The following TEC variants were observed in gnomAD, a reference collection of about 807,000 sequenced individuals.
The protein encoded by TEC is tec protein tyrosine kinase, also known as tyrosine-protein kinase Tec.
Under a neutral mutation model 93.0 loss-of-function variants are expected in TEC, and 72 were observed. The observed-to-expected ratio is 0.77, with a 90% CI of 0.64 to 0.94. The LOEUF is 0.94. TEC is among the 40% of genes least tolerant of loss of function. The pLI is 0.00. For synonymous variants in TEC, 249 were observed against 247.7 expected, an observed-to-expected ratio of 1.01 and a Z score of -0.05; for missense variants, 630 against 757.9, an observed-to-expected ratio of 0.83 and a Z score of 1.98.
chr4:48,186,584 G>A (rs1444309467), intron 2 of TEC, among the ~76,000 whole-genome samples: 2 of 147,196 alleles, frequency 1.4e-5, no homozygotes, highest in South Asian at 2.2e-4. Context: ...CCGCCCGGCC[G>A]CCCCGTCTGA....
chr4:48,158,084 TG>T (rs1028475558), intron 8 of TEC, among the ~76,000 whole-genome samples: 35 of 152,332 alleles, frequency 2.3e-4, no homozygotes, highest in African/African-American at 8.4e-4. Flanking sequence ...TCAGCTCCTC[TG>T]GACATTTAAA....
At chr4:48,224,206 A>G (rs1723361517) in intron 2 of TEC, among the ~76,000 whole-genome samples, 1 of 152,206 alleles carries the variant, frequency 6.6e-6, no homozygotes, top group Non-Finnish European at 1.5e-5. Flanking sequence ...GCCAGCTTCC[A>G]TGCTGGGGCA....
chr4:48,200,245 T>A (rs1040749185), intron 2 of TEC, among the ~76,000 whole-genome samples: 8 of 148,336 alleles, frequency 5.4e-5, no homozygotes, highest in African/African-American at 2.0e-4. Flanking sequence ...AAGGAGGTGG[T>A]ACCTTCGAGG....
intron 2 of TEC, among the ~76,000 whole-genome samples, chr4:48,216,949 T>G (rs1723101233): frequency 6.6e-6 from 1 of 152,228 alleles, no homozygotes; most frequent in Non-Finnish European, 1.5e-5. Context: ...ACTCTTAAGT[T>G]GCAGGAGGAC....
intron 2 of TEC, among the ~76,000 whole-genome samples, chr4:48,223,350 T>G (rs1723327890): frequency 6.6e-6 from 1 of 152,164 alleles, no homozygotes; most frequent in Non-Finnish European, 1.5e-5. Context: ...GGTGCTAACT[T>G]TAAGATGTTT....
At chr4:48,176,836 A>G (rs1721350793) in intron 2 of TEC, among the ~76,000 whole-genome samples, 1 of 152,190 alleles carries the variant, frequency 6.6e-6, no homozygotes, top group Admixed American at 6.5e-5. Context: ...CCAAAAAGAA[A>G]GCGTCAAAGA....
chr4:48,247,073 T>G (rs2109663910), intron 1 of TEC, among the ~76,000 whole-genome samples: 1 of 152,242 alleles, frequency 6.6e-6, no homozygotes, highest in East Asian at 1.9e-4. Flanking sequence ...AGTGTTAAAA[T>G]GGGTGAAGGA....
intron 2 of TEC, among the ~76,000 whole-genome samples, chr4:48,215,207 T>G (rs1366969580): frequency 1.3e-5 from 2 of 151,716 alleles, no homozygotes; most frequent in African/African-American, 2.4e-5. Flanking sequence ...ACTCAACACT[T>G]TTTTATAAAA....
At chr4:48,192,051 T>C (rs1722111802) in intron 2 of TEC, among the ~76,000 whole-genome samples, 1 of 152,096 alleles carries the variant, frequency 6.6e-6, no homozygotes, top group African/African-American at 2.4e-5. Flanking sequence ...ACACAAAGAC[T>C]AACACAAAAA....
Position 48,182,239 on chromosome 4 carries a change from C to T in TEC, c.139-6053G>A, listed in dbSNP as rs1274548430. On this transcript the variant is annotated intron_variant, in intron 2 of 17. Transcript: ENST00000381501. ...GGTGGAGGTTGCAGTGAGCCAAGAT[C>T]GCACCACTGCCCTCCAGCCTAGGTG... Among the ~76,000 whole-genome samples, 2 of 150,614 alleles carry T rather than the reference C, an allele frequency of 1.3e-5. 1 individual carries two copies. Among genetic ancestry groups the T allele is most frequent in the South Asian group, 4.2e-4 (2 of 4,768 alleles).
intron 2 of TEC, among the ~76,000 whole-genome samples, chr4:48,204,581 G>A (rs73138448): frequency 1.7e-4 from 26 of 152,150 alleles, no homozygotes; most frequent in Non-Finnish European, 3.4e-4. Context: ...AATCTGCAAC[G>A]CTTTTTGGCA....
Position 48,136,436 on chromosome 4 carries a change from G to A in TEC, c.*980C>T, listed in dbSNP as rs928866381. 3.3e-5 allele frequency: 5 copies of A among 152,312 alleles called. No individual in the cohort carries two copies. The highest frequency in any genetic ancestry group is 5.9e-5 in the Non-Finnish European group (4 of 68,062). 9.4% of individuals were successfully genotyped at this position (152,312 alleles called of 1,614,324 possible). A position where few individuals can be genotyped will look rare whatever the true frequency, so the allele number is the denominator to read the frequency against. ...GGTGGGGGCAAACTTTGTTGCGAAG[G>A]TCACCTGATCCTTCTGCCCCAGAGC... On this transcript the variant is annotated 3_prime_UTR_variant, in exon 18 of 18. Coordinates refer to ENST00000381501, the MANE Select transcript of TEC (RefSeq NM_003215.3).
At chr4:48,152,301 G>A (rs1720205028) in intron 9 of TEC, among the ~76,000 whole-genome samples, 1 of 152,024 alleles carries the variant, frequency 6.6e-6, no homozygotes. Flanking sequence ...AGCCAGGCGT[G>A]GTGGTGCGCG....
intron 5 of TEC, 149 bp from the exon 6 acceptor site, chr4:48,168,775 C>T (rs1442070286): frequency 1.3e-6 from 1 of 761,622 alleles, no homozygotes; most frequent in Non-Finnish European, 2.2e-6. Context: ...GCTTGTATCT[C>T]TATTCTAGAA....
At chr4:48,202,326 G>A (rs1278272924) in intron 2 of TEC, among the ~76,000 whole-genome samples, 1 of 152,138 alleles carries the variant, frequency 6.6e-6, no homozygotes, top group African/African-American at 2.4e-5. Context: ...AGCACTTTGG[G>A]AGGCTGAGGT....
chr4:48,239,069 TA>T (rs1723861489), intron 1 of TEC, among the ~76,000 whole-genome samples: 1 of 152,186 alleles, frequency 6.6e-6, no homozygotes, highest in African/African-American at 2.4e-5. Flanking sequence ...TATAGTCGGT[TA>T]ACATTTATTC....
chr4:48,258,832 A>T (rs1231258220), intron 1 of TEC, among the ~76,000 whole-genome samples: 6 of 152,148 alleles, frequency 3.9e-5, no homozygotes, highest in Admixed American at 6.5e-5. Flanking sequence ...TGACATGGTT[A>T]CCCTCTTTCA....
intron 2 of TEC, among the ~76,000 whole-genome samples, chr4:48,198,265 A>G (rs550840120): frequency 3.5e-4 from 53 of 152,350 alleles, no homozygotes; most frequent in African/African-American, 1.3e-3. Flanking sequence ...TAAGCTGGAC[A>G]TGGGTCAGAC....
chr4:48,144,652 T>G (rs948829402), intron 14 of TEC, among the ~76,000 whole-genome samples: 1 of 152,264 alleles, frequency 6.6e-6, no homozygotes, highest in African/African-American at 2.4e-5. Context: ...ATTTCTCTTA[T>G]AGTTTCTTTT....
Sources: allele counts gnomAD v4.1 joint callset (sites outside exome capture counted in the v4.1 genomes callset), GRCh38; gene constraint gnomAD v4.1.1; transcripts MANE v1.5; gene names NCBI Gene and HGNC (gene_info 2026-07-23, HGNC 2026-07-21).